MTPAP: variants seen among roughly 807,000 people sequenced by gnomAD.
MTPAP encodes poly(A) RNA polymerase, mitochondrial.
A neutral mutation model predicts 48.7 loss-of-function variants in MTPAP; 23 were observed. That is an observed-to-expected ratio of 0.47 (90% CI 0.34 to 0.67). The LOEUF (loss-of-function observed/expected upper bound fraction) is 0.67, where lower values mean the gene tolerates loss of function less well. Ranked by LOEUF, MTPAP falls within the 30% of genes least tolerant of loss-of-function variation. The probability of loss-of-function intolerance (pLI) is 0.01; values close to 1 mark genes in which losing one functional copy is unlikely to be tolerated. For missense variants in MTPAP, 614 were observed against 694.3 expected (o/e 0.88, Z 1.30); for synonymous variants, 257 against 254.1 (o/e 1.01, Z -0.11).
chr10:30,335,208 C>T (rs755230485), intron 4 of MTPAP, among the ~76,000 whole-genome samples: 15 of 152,148 alleles, frequency 9.9e-5, no homozygotes, highest in Admixed American at 2.0e-4. Context: ...TAGCCTTGGC[C>T]GCGTGTGGTG....
In MTPAP at chr10:30,313,935, A is replaced by G. The variant is rs749167944; in HGVS notation, c.1423T>C (p.Tyr475His). Residue 475 changes from tyrosine to histidine, a missense_variant, in exon 9 of 9, where the codon TAC (tyrosine) becomes CAC (histidine). Transcript: ENST00000263063. The stretch of plus-strand genomic sequence containing the variant: ...GAAGTTTCAAATGGATTCTGAATGT[A>G]CAGAGGAGAAGAATCAGGTTTGTTT... ...EQNKPDSSPLYIQNPFETSLN... is the reference protein window; with the variant it reads ...EQNKPDSSPLHIQNPFETSLN... 2.8e-5 allele frequency: 45 copies of G among 1,613,838 alleles called. 1 individual carries two copies. The South Asian group carries it at 4.9e-4, about 18-fold the overall frequency.
Position 30,342,073 on chromosome 10 carries a change from T to C in MTPAP, c.158-433A>G, listed in dbSNP as rs1206430791. Among the ~76,000 whole-genome samples, 4 of 152,058 alleles carry C rather than the reference T, an allele frequency of 2.6e-5. No homozygotes were observed. The East Asian group carries it at 7.7e-4, about 29-fold the overall frequency. ...GACCATGGTGAAACCTCATCTGTAC[T>C]AAAAATACAAAAATTAGCCAGGCAT... On this transcript the variant is annotated intron_variant, in intron 1 of 8. Coordinates refer to ENST00000263063, the MANE Select transcript of MTPAP (RefSeq NM_018109.4).
intron 6 of MTPAP, among the ~76,000 whole-genome samples, chr10:30,321,987 G>C (rs891429006): frequency 3.5e-4 from 54 of 152,128 alleles, no homozygotes; most frequent in African/African-American, 1.3e-3. Flanking sequence ...TAGAATCTTT[G>C]AAACATCACG....
At chr10:30,345,208 A>G (rs542286373) in intron 1 of MTPAP, among the ~76,000 whole-genome samples, 1 of 152,344 alleles carries the variant, frequency 6.6e-6, no homozygotes, top group South Asian at 2.1e-4. Flanking sequence ...ACATGCTGTA[A>G]GATATTTAAT....
chr10:30,334,604 C>G (rs1021653096), intron 4 of MTPAP, among the ~76,000 whole-genome samples: 8 of 151,778 alleles, frequency 5.3e-5, no homozygotes, highest in African/African-American at 1.9e-4. Context: ...GAGGCTGCAG[C>G]GGGCCAAGAT....
At chr10:30,334,850 A>G (rs1401153373) in intron 4 of MTPAP, among the ~76,000 whole-genome samples, 1 of 152,210 alleles carries the variant, frequency 6.6e-6, no homozygotes, top group Non-Finnish European at 1.5e-5. Context: ...GAAGGTTAAA[A>G]TATCAAGGCA....
Position 30,341,638 on chromosome 10 carries a change from A to G in MTPAP, c.160T>C (p.Phe54Leu), listed in dbSNP as rs200617104. The change falls in exon 2 of 9, where the codon TTT becomes CTT. Residue 54 changes from phenylalanine (F) to leucine (L), a missense_variant and splice_region_variant. By Grantham distance (22) the Phe-to-Leu change is conservative. Transcript: ENST00000263063. ...EQPSGSVETG[F>L]EDKIPKRRFS... ...CTCCTTTTGGGAATCTTGTCTTCAA[A>G]GCCTATGAACGAGACAAAAACATTT... 226 of 1,613,924 alleles carry G rather than the reference A, an allele frequency of 1.4e-4. No homozygotes were observed. Among genetic ancestry groups the G allele is most frequent in the Non-Finnish European group, 1.7e-4 (204 of 1,179,996 alleles).
chr10:30,312,072 T>C lies in MTPAP; in HGVS notation c.*1537A>G, dbSNP rs1588709588. ...ATCACTTGAATCCGGGAGGCGGAGG[T>C]TGCAGTGAGCTGAGATTGTGCCATT... is the stretch of plus-strand genomic sequence containing the variant. On this transcript the variant is annotated 3_prime_UTR_variant, in exon 9 of 9. Coordinates refer to ENST00000263063, the MANE Select transcript of MTPAP (RefSeq NM_018109.4). The C allele has an allele frequency of 6.6e-6, 1 of 151,866 alleles. No individual in the cohort carries two copies. Among genetic ancestry groups the C allele is most frequent in the South Asian group, 2.1e-4 (1 of 4,784 alleles). 9.4% of individuals were successfully genotyped at this position (151,866 alleles called of 1,614,324 possible).
In MTPAP at chr10:30,349,244, C is replaced by T. The variant is rs756596159; in HGVS notation, c.32G>A (p.Arg11His). Residue 11 changes from arginine (R) to histidine (H), a missense_variant, in exon 1 of 9, where the codon CGT becomes CAT. By Grantham distance (29) the Arg-to-His change is conservative (BLOSUM62 0). Coordinates refer to ENST00000263063, the MANE Select transcript of MTPAP (RefSeq NM_018109.4). MAVPGVGLLT[R>H]LNLCARRRTR... ...TCTTCTCCGGGCACACAGGTTCAAACGGGTCAAGAGCCCCACGCCGGGAAC... is the reference window on the plus strand; with the variant it reads ...TCTTCTCCGGGCACACAGGTTCAAATGGGTCAAGAGCCCCACGCCGGGAAC... 4 of 1,574,006 alleles carry T rather than the reference C, an allele frequency of 2.5e-6. No homozygotes were observed. The highest frequency in any genetic ancestry group is 3.6e-5 in the Admixed American group (2 of 56,294).
intron 4 of MTPAP, among the ~76,000 whole-genome samples, chr10:30,328,307 C>A (rs184663146): frequency 2.6e-4 from 39 of 152,218 alleles, no homozygotes; most frequent in East Asian, 5.8e-4. Flanking sequence ...GGTTAGTGAC[C>A]AGAACTAACG....
At chr10:30,341,319 T>C in intron 2 of MTPAP, 149 bp downstream of exon 2, 1 of 1,016,554 alleles carries the variant, frequency 9.8e-7, no homozygotes, top group Non-Finnish European at 1.4e-6. Flanking sequence ...AAAACAAAAC[T>C]CATTAAAGAA....
chr10:30,326,682 C>A (rs140715258), intron 4 of MTPAP, 47 bp from the exon 5 acceptor site: 5 of 1,437,782 alleles, frequency 3.5e-6, no homozygotes, highest in South Asian at 1.2e-5. Flanking sequence ...GTAAAAAAAA[C>A]AATTTTTTAA....
chr10:30,338,940 A>ATG (rs1834764841), intron 3 of MTPAP, among the ~76,000 whole-genome samples: 1 of 151,614 alleles, frequency 6.6e-6, no homozygotes, highest in African/African-American at 2.4e-5. Flanking sequence ...TGGCTAACTC[A>ATG]GTGAAACCCC....
chr10:30,341,869 C>T (rs181685767), intron 1 of MTPAP, among the ~76,000 whole-genome samples: 1 of 152,252 alleles, frequency 6.6e-6, no homozygotes, highest in East Asian at 1.9e-4. Context: ...TTACCAAGCC[C>T]TATATATACA....
At chr10:30,334,798 G>A (rs1236062746) in intron 4 of MTPAP, among the ~76,000 whole-genome samples, 1 of 152,204 alleles carries the variant, frequency 6.6e-6, no homozygotes, top group Non-Finnish European at 1.5e-5. Flanking sequence ...TAACTTTGTG[G>A]GAAAATTCAA....
At chr10:30,341,992 A>G (rs1370310948) in intron 1 of MTPAP, among the ~76,000 whole-genome samples, 1 of 152,208 alleles carries the variant, frequency 6.6e-6, no homozygotes, top group Non-Finnish European at 1.5e-5. Flanking sequence ...TAATACCAGA[A>G]CTTTGGGAGG....
At position 30,326,545 on chromosome 10, in the gene MTPAP, A is replaced by T; in HGVS notation, c.871T>A (p.Cys291Ser). 6.2e-7 allele frequency: 1 copy of T among 1,614,122 alleles called. No individual in the cohort carries two copies. Among genetic ancestry groups the T allele is most frequent in the Non-Finnish European group, 8.5e-7 (1 of 1,179,982 alleles). ...TQKILSVLGECLDHFGPGCVG... is the reference protein window; with the variant it reads ...TQKILSVLGESLDHFGPGCVG... ...CAGCCAGGGCCAAAGTGGTCAAGGCACTCTCCTAACACAGACAGGATCTTC... is the reference window on the plus strand; with the variant it reads ...CAGCCAGGGCCAAAGTGGTCAAGGCTCTCTCCTAACACAGACAGGATCTTC... The change falls in exon 5 of 9, where the codon TGC becomes AGC. Residue 291 changes from cysteine (C) to serine (S), a missense_variant. Cys to Ser is a moderately radical substitution (Grantham distance 112, BLOSUM62 -1). This residue lies in a region of MTPAP where 261 missense variants were observed against 355.4 expected (regional missense o/e 0.73). Coordinates refer to ENST00000263063, the MANE Select transcript of MTPAP (RefSeq NM_018109.4).
In MTPAP at chr10:30,322,394, C is replaced by T; in HGVS notation, c.1216G>A (p.Ala406Thr). 6.3e-7 allele frequency: 1 copy of T among 1,594,316 alleles called. No individual in the cohort carries two copies. Among genetic ancestry groups the T allele is most frequent in the Non-Finnish European group, 8.6e-7 (1 of 1,162,132 alleles). Reference protein sequence around the residue: ...LPTLDSLKTLADAEDKCVIEG... With the variant: ...LPTLDSLKTLTDAEDKCVIEG... ...AGAAGTTTCTTTCTAGTCTTACCTGCTAGGGTTTTTAAGGAATCTAGTGTT... is the reference window on the plus strand; with the variant it reads ...AGAAGTTTCTTTCTAGTCTTACCTGTTAGGGTTTTTAAGGAATCTAGTGTT... The change falls in exon 6 of 9, where the codon GCA (alanine) becomes ACA (threonine). Residue 406 changes from alanine to threonine, a missense_variant. By Grantham distance (58) the Ala-to-Thr change is moderately conservative. Around this residue, in one of 5 missense-constraint regions of MTPAP, gnomAD observed 261 missense variants for 355.4 expected, o/e 0.73. Transcript: ENST00000263063.
intron 8 of MTPAP, among the ~76,000 whole-genome samples, chr10:30,314,959 C>G (rs1406861736): frequency 6.6e-6 from 1 of 150,598 alleles, no homozygotes; most frequent in Non-Finnish European, 1.5e-5. Flanking sequence ...CTAACATAAG[C>G]CATTAGTCTA....
Sources: allele counts gnomAD v4.1 joint callset (sites outside exome capture counted in the v4.1 genomes callset), GRCh38; gene constraint gnomAD v4.1.1; regional missense constraint gnomAD v4.1.1; transcripts MANE v1.5; gene names NCBI Gene and HGNC (gene_info 2026-07-23, HGNC 2026-07-21).